The following ITIH5 variants were observed in gnomAD, a reference collection of about 807,000 sequenced individuals.
ITIH5 encodes inter-alpha-trypsin inhibitor heavy chain 5, also known as inter-alpha-trypsin inhibitor heavy chain H5.
In ITIH5, 65 loss-of-function variants were observed where a neutral mutation model predicts 77.5. The ratio of observed to expected loss-of-function variants is 0.84; its 90% confidence interval spans 0.69 to 1.03. The LOEUF is 1.03. ITIH5 is among the 50% of genes least tolerant of loss of function. The pLI, the probability that ITIH5 is intolerant of heterozygous loss-of-function variation, is 0.00. For synonymous variants in ITIH5, 525 were observed against 494.3 expected (o/e 1.06, Z -0.82); for missense variants, 1,208 against 1,213.1 (o/e 1.00, Z 0.06).
In ITIH5 at chr10:7,596,011, T is replaced by A. The variant is rs929177685; in HGVS notation, c.940-9942A>T. On this transcript the variant is annotated intron_variant, in intron 7 of 13. Coordinates refer to ENST00000397146, the MANE Select transcript of ITIH5 (RefSeq NM_030569.7). ...CAACAGAGCGAGACTCCGTCTAAAT[T>A]AATAAATAAATAAATAAACAAATAA... Among the ~76,000 whole-genome samples, 11 of 152,230 alleles carry A rather than the reference T, an allele frequency of 7.2e-5. No homozygotes were observed. In the East Asian group the frequency reaches 1.4e-3, roughly 19 times the overall value.
chr10:7,632,525 C>T (rs1406534973), intron 5 of ITIH5, among the ~76,000 whole-genome samples: 2 of 152,128 alleles, frequency 1.3e-5, no homozygotes, highest in African/African-American at 4.8e-5. Flanking sequence ...ACAACCACAC[C>T]TGTCAAGTGG....
intron 5 of ITIH5, among the ~76,000 whole-genome samples, chr10:7,636,945 G>A (rs1330958266): frequency 6.6e-6 from 1 of 152,154 alleles, no homozygotes; most frequent in Non-Finnish European, 1.5e-5. Context: ...CAGCTACTCA[G>A]GAGGCTGAGG....
intron 2 of ITIH5, among the ~76,000 whole-genome samples, chr10:7,654,246 C>T (rs934476530): frequency 6.6e-6 from 1 of 152,212 alleles, no homozygotes; most frequent in African/African-American, 2.4e-5. Context: ...TCGGGTTCCC[C>T]TGCTGCATTC....
chr10:7,590,143 G>A (rs2130985585), intron 7 of ITIH5, among the ~76,000 whole-genome samples: 1 of 152,222 alleles, frequency 6.6e-6, no homozygotes, highest in East Asian at 1.9e-4. Flanking sequence ...TCGACTCGGT[G>A]GAGAATGGAA....
intron 7 of ITIH5, among the ~76,000 whole-genome samples, chr10:7,595,731 G>A (rs565538854): frequency 1.3e-5 from 2 of 152,222 alleles, no homozygotes; most frequent in African/African-American, 2.4e-5. Context: ...AACTCTGGCC[G>A]GGTGTGGTGG....
chr10:7,623,629 C>A (rs535293190), intron 5 of ITIH5, among the ~76,000 whole-genome samples: 2 of 151,800 alleles, frequency 1.3e-5, no homozygotes, highest in Admixed American at 1.3e-4. Flanking sequence ...CGGTGAAACC[C>A]CGTCTCTACT....
Position 7,641,953 on chromosome 10 carries a change from A to T in ITIH5, c.273T>A (p.Ala91=). Residue 91 remains alanine, a synonymous_variant, in exon 3 of 14, where the codon GCT becomes GCA. Transcript: ENST00000397146. ...TAGTGAAGTTGGTGATGAAAGCTGC[A>T]GCTGGAATCTGCATCTGGAACTCAA... ...QDIEFQMQIP[A]AAFITNFTML... 6.2e-7 allele frequency: 1 copy of T among 1,614,184 alleles called. No homozygotes were observed. Among genetic ancestry groups the T allele is most frequent in the South Asian group, 1.1e-5 (1 of 91,072 alleles).
At chr10:7,600,646 T>G (rs942942751) in intron 7 of ITIH5, 5 of 454,114 alleles carry the variant, frequency 1.1e-5, no homozygotes, top group African/African-American at 8.0e-5. Flanking sequence ...AGCTAAGAAT[T>G]TGGCAAAGCC....
chr10:7,628,743 GTCC>G (rs1833636200), intron 5 of ITIH5, among the ~76,000 whole-genome samples: 5 of 134,424 alleles, frequency 3.7e-5, no homozygotes, highest in Admixed American at 7.5e-5. Context: ...TGCAGCGTGT[GTCC>G]ATGTTGCAGC....
chr10:7,613,607 A>G (rs1199559128), intron 7 of ITIH5, among the ~76,000 whole-genome samples: 1 of 152,236 alleles, frequency 6.6e-6, no homozygotes, highest in Non-Finnish European at 1.5e-5. Context: ...AGTAAGAACT[A>G]AAAAAGCTAA....
intron 11 of ITIH5, chr10:7,572,677 T>C: frequency 3.7e-6 from 1 of 270,870 alleles, no homozygotes; most frequent in South Asian, 4.1e-5. Context: ...TCATAACAGC[T>C]GCACTTCTCA....
At chr10:7,616,199 CAA>C (rs1833363850) in intron 6 of ITIH5, 101 bp from the exon 7 acceptor site, 1 of 724,392 alleles carries the variant, frequency 1.4e-6, no homozygotes, top group African/African-American at 1.8e-5. Context: ...TAAAGCATGA[CAA>C]AGAGTTTAGG....
rs1832438603 is a variant in ITIH5, at chr10:7,576,978, CAG to C, written c.1451_1452del (p.Ser484Ter). The C allele has an allele frequency of 6.2e-7, 1 of 1,613,410 alleles. No individual in the cohort carries two copies. The highest frequency in any genetic ancestry group is 8.5e-7 in the Non-Finnish European group (1 of 1,179,568). On this transcript the variant is annotated frameshift_variant, in exon 10 of 14. Coordinates refer to ENST00000397146, the MANE Select transcript of ITIH5 (RefSeq NM_030569.7). LOFTEE classifies it high-confidence loss of function. Reference protein sequence around the residue: ...FYDEIRTPLLSDIRIDYPPSS... With the variant: ...FYDEIRTPLLXDIRIDYPPSS... The stretch of plus-strand genomic sequence containing the variant: ...CTGGGGGGATAATCGATGCGGATGT[CAG>C]AGAGGAGCGGGGTCCTGATTTCATC...
At chr10:7,600,417 C>G (rs1832991191) in intron 7 of ITIH5, 3 of 408,904 alleles carry the variant, frequency 7.3e-6, no homozygotes, top group Admixed American at 2.9e-5. Flanking sequence ...CAACTGTCTC[C>G]TGAACATCTC....
chr10:7,628,436 T>C (rs2131056784), intron 5 of ITIH5, among the ~76,000 whole-genome samples: 1 of 152,374 alleles, frequency 6.6e-6, no homozygotes, highest in Non-Finnish European at 1.5e-5. Context: ...TCCGTCACAC[T>C]GTAGCATGTG....
At chr10:7,575,558 G>A (rs1333091365) in intron 10 of ITIH5, among the ~76,000 whole-genome samples, 1 of 152,102 alleles carries the variant, frequency 6.6e-6, no homozygotes, top group Non-Finnish European at 1.5e-5. Context: ...CCCTGCTTTG[G>A]TTTCACTGTG....
intron 7 of ITIH5, among the ~76,000 whole-genome samples, chr10:7,612,555 T>A (rs761538649): frequency 1.3e-5 from 2 of 151,994 alleles, no homozygotes; most frequent in Non-Finnish European, 2.9e-5. Flanking sequence ...TATTCGGTAG[T>A]CACAGGAATT....
At chr10:7,572,363 T>C (rs1294032745) in intron 11 of ITIH5, 1 of 1,367,272 alleles carries the variant, frequency 7.3e-7, no homozygotes, top group Non-Finnish European at 9.8e-7. Context: ...TTCATGACAT[T>C]TGAAAAAATC....
chr10:7,648,682 T>C (rs1834044304), intron 2 of ITIH5, among the ~76,000 whole-genome samples: 2 of 152,238 alleles, frequency 1.3e-5, no homozygotes, highest in African/African-American at 4.8e-5. Context: ...TCTTCTTCAC[T>C]TAGTATGCTT....
Sources: gnomAD v4.1 joint callset for allele counts (sites outside exome capture counted in the v4.1 genomes callset) on GRCh38, gnomAD v4.1.1 for gene constraint, MANE v1.5 for transcripts, NCBI Gene and HGNC (gene_info 2026-07-23, HGNC 2026-07-21) for gene names.